Variants in TMEM156 observed in about 807,000 individuals in gnomAD.
TMEM156 encodes transmembrane protein 156.
Under a neutral mutation model 30.5 loss-of-function variants are expected in TMEM156, and 28 were observed. The observed-to-expected ratio is 0.92, with a 90% CI of 0.68 to 1.26. The LOEUF (loss-of-function observed/expected upper bound fraction) is 1.26. Ranked by LOEUF, TMEM156 falls within the 50% of genes most tolerant of loss-of-function variation. The pLI, the probability that TMEM156 is intolerant of heterozygous loss-of-function variation, is 0.00. For synonymous variants in TMEM156, 137 were observed against 119.9 expected (o/e 1.14, Z -0.93); for missense variants, 351 against 340.6 (o/e 1.03, Z -0.24).
At chr4:38,987,293 T>G (rs766650951) in intron 4 of TMEM156, among the ~76,000 whole-genome samples, 1 of 152,238 alleles carries the variant, frequency 6.6e-6, no homozygotes, top group African/African-American at 2.4e-5. Flanking sequence ...TTAACCTCTC[T>G]AAGTCTCAGG....
At chr4:38,998,543 C>CAA (rs199767864) in intron 2 of TMEM156, 97 bp downstream of exon 2, 19,720 of 942,846 alleles carry the variant, frequency 0.021, 14 homozygotes, top group East Asian at 0.048. Context: ...GACTCCATCT[C>CAA]AAAAAAAAAA....
intron 1 of TMEM156, among the ~76,000 whole-genome samples, chr4:39,016,480 C>T (rs1200277908): frequency 6.6e-6 from 1 of 151,014 alleles, no homozygotes; most frequent in African/African-American, 2.4e-5. Flanking sequence ...TTTATTATTT[C>T]CTGCCATTAC....
intron 1 of TMEM156, among the ~76,000 whole-genome samples, chr4:39,021,251 A>T (rs565136575): frequency 6.6e-6 from 1 of 152,098 alleles, no homozygotes; most frequent in South Asian, 2.1e-4. Flanking sequence ...AAAAAAATTT[A>T]AAAATTAGCC....
At chr4:38,996,427 C>T (rs1158174030) in intron 2 of TMEM156, among the ~76,000 whole-genome samples, 1 of 150,246 alleles carries the variant, frequency 6.7e-6, no homozygotes, top group Non-Finnish European at 1.5e-5. Context: ...AAAAAATTAG[C>T]TGGGCATGGT....
intron 5 of TMEM156, among the ~76,000 whole-genome samples, chr4:38,980,185 TAAAAA>T (rs780451036): frequency 1.8e-5 from 2 of 112,420 alleles, no homozygotes; most frequent in African/African-American, 3.3e-5. Context: ...CCAGATTAAC[TAAAAA>T]AAAAAAAAAA....
chr4:38,999,713 G>A (rs973205493), intron 1 of TMEM156, among the ~76,000 whole-genome samples: 6 of 152,174 alleles, frequency 3.9e-5, no homozygotes, highest in African/African-American at 9.7e-5. Context: ...AGGTTCTAGG[G>A]AAGAATCTGT....
intron 4 of TMEM156, among the ~76,000 whole-genome samples, chr4:38,986,948 A>G (rs1282947245): frequency 6.6e-6 from 1 of 151,342 alleles, no homozygotes; most frequent in Non-Finnish European, 1.5e-5. Context: ...TTAATATTCA[A>G]TAACATTTAA....
In TMEM156 at chr4:39,032,206, G is replaced by C. The variant is rs1048500321; in HGVS notation, c.88+20C>G. On this transcript the variant is annotated intron_variant, in intron 1 of 6. Coordinates refer to ENST00000381938, the MANE Select transcript of TMEM156 (RefSeq NM_024943.3). ...TTTTTAAATTAAGAAAGGAAAGCTA[G>C]ATTACAATTATATACTCACCTTTCG... 2.0e-6 allele frequency: 3 copies of C among 1,483,436 alleles called. No individual in the cohort carries two copies. The African/African-American group carries it at 4.2e-5, about 21-fold the overall frequency. 91.9% of individuals were successfully genotyped at this position (1,483,436 alleles called of 1,614,324 possible).
At chr4:39,017,993 CATTGGTAT>C (rs1443158568) in intron 1 of TMEM156, among the ~76,000 whole-genome samples, 3 of 152,064 alleles carry the variant, frequency 2.0e-5, no homozygotes, top group Non-Finnish European at 2.9e-5. Context: ...TTACTGGGAT[CATTGGTAT>C]ATTTAGATTT....
chr4:38,967,281 AG>A lies in TMEM156; in HGVS notation c.*398del, dbSNP rs1722389825. The A allele has an allele frequency of 1.3e-5, 2 of 152,226 alleles. No individual in the cohort carries two copies. Among genetic ancestry groups the A allele is most frequent in the African/African-American group, 4.8e-5 (2 of 41,460 alleles). The allele number at this position is 152,226 out of a possible 1,614,324, so 9.4% of individuals were successfully genotyped here. ...TCTACAATGTGGCCCAATAAAAGAA[AG>A]GGTTTTCATATTTGATCCTGTTTTT... is the stretch of plus-strand genomic sequence containing the variant. On this transcript the variant is annotated 3_prime_UTR_variant, in exon 7 of 7. Transcript: ENST00000381938.
At chr4:39,006,447 A>T (rs530106884) in intron 1 of TMEM156, among the ~76,000 whole-genome samples, 10 of 151,780 alleles carry the variant, frequency 6.6e-5, no homozygotes, top group Admixed American at 3.3e-4. Context: ...TTATCTATTT[A>T]TTTTTTTTGA....
Position 39,002,885 on chromosome 4 carries a change from G to T in TMEM156, c.89-3976C>A, listed in dbSNP as rs60271529. Reference sequence around the variant, plus strand: ...AACATCACACTCTGGGGCCTGTTGTGGGGGGGTGGACGGGGGAGGGATAGC... The same window carrying T: ...AACATCACACTCTGGGGCCTGTTGTTGGGGGGTGGACGGGGGAGGGATAGC... On this transcript the variant is annotated intron_variant, in intron 1 of 6. Coordinates refer to ENST00000381938, the MANE Select transcript of TMEM156 (RefSeq NM_024943.3). Among the ~76,000 whole-genome samples the T allele has an allele frequency of 8.9e-3, 1,339 of 149,624 alleles. 5 individuals carry two copies. Among genetic ancestry groups the T allele is most frequent in the African/African-American group, 0.019 (758 of 39,530 alleles).
At chr4:39,004,859 CA>C (rs921257121) in intron 1 of TMEM156, among the ~76,000 whole-genome samples, 16 of 152,000 alleles carry the variant, frequency 1.1e-4, no homozygotes, top group Admixed American at 3.9e-4. Context: ...CCATATGACC[CA>C]AAAATTCCAC....
rs182014803 is a variant in TMEM156, at chr4:38,973,126, G to A, written c.824-1989C>T. Among the ~76,000 whole-genome samples, 244 of 152,242 alleles carry A rather than the reference G, an allele frequency of 1.6e-3. 3 individuals carry two copies. Among genetic ancestry groups the A allele is most frequent in the African/African-American group, 5.6e-3 (231 of 41,550 alleles). On this transcript the variant is annotated intron_variant, in intron 5 of 6. Coordinates refer to ENST00000381938, the MANE Select transcript of TMEM156 (RefSeq NM_024943.3). ...ATTAAGTTAACTTGTTGTCCTAAAC[G>A]ATTATTCAGTCATCCCAATACCAGT...
At chr4:39,015,107 T>C (rs1714392161) in intron 1 of TMEM156, among the ~76,000 whole-genome samples, 1 of 152,238 alleles carries the variant, frequency 6.6e-6, no homozygotes, top group Non-Finnish European at 1.5e-5. Context: ...TATCCTCTTA[T>C]TACATCTTTA....
At position 39,001,179 on chromosome 4, in the gene TMEM156, G is replaced by A. The variant is rs193033722; in HGVS notation, c.89-2270C>T. 6.3e-3 allele frequency among the ~76,000 whole-genome samples: 913 copies of A among 145,082 alleles called. 9 individuals are homozygous for A. The highest frequency in any genetic ancestry group is 0.022 in the African/African-American group (856 of 39,006). ...AGGTCAGGAGATGGAGACCATCCTG[G>A]CTAACACAGTGAAACCCCATCTCTA... On this transcript the variant is annotated intron_variant, in intron 1 of 6. Transcript: ENST00000381938.
chr4:39,032,089 T>A (rs1715557665), intron 1 of TMEM156, 137 bp downstream of exon 1: 1 of 599,214 alleles, frequency 1.7e-6, no homozygotes, highest in Admixed American at 2.9e-5. Flanking sequence ...ATTGCAATCT[T>A]GTTTTATTAG....
Position 39,032,404 on chromosome 4 carries a change from T to C in TMEM156, c.-91A>G. The C allele has an allele frequency of 1.4e-6, 1 of 711,540 alleles. No individual in the cohort carries two copies. 44.1% of individuals were successfully genotyped at this position (711,540 alleles called of 1,614,324 possible). The stretch of plus-strand genomic sequence containing the variant: ...AGTTTATCTCTGCAGCACTTTAGGT[T>C]AATGCAGTTCACCTCATACTCACTT... On this transcript the variant is annotated 5_prime_UTR_variant, in exon 1 of 7. Coordinates refer to ENST00000381938, the MANE Select transcript of TMEM156 (RefSeq NM_024943.3).
intron 1 of TMEM156, among the ~76,000 whole-genome samples, chr4:39,025,457 G>A (rs1165193179): frequency 1.3e-5 from 2 of 151,920 alleles, no homozygotes; most frequent in East Asian, 1.9e-4. Flanking sequence ...AAGGCTCTCT[G>A]GTAATATTGA....
Sources: allele counts gnomAD v4.1 joint callset (sites outside exome capture counted in the v4.1 genomes callset), GRCh38; gene constraint gnomAD v4.1.1; transcripts MANE v1.5; gene names NCBI Gene and HGNC (gene_info 2026-07-23, HGNC 2026-07-21).